Variants in ASIC4 observed in about 807,000 individuals in gnomAD.
ASIC4 encodes the protein acid-sensing ion channel 4.
A neutral mutation model predicts 53.4 loss-of-function variants in ASIC4; 28 were observed. That is an observed-to-expected ratio of 0.52 (90% CI 0.39 to 0.72). The LOEUF (loss-of-function observed/expected upper bound fraction) is 0.72. Ranked by LOEUF, ASIC4 falls within the 30% of genes least tolerant of loss-of-function variation. ASIC4 has a pLI of 0.00. For missense variants in ASIC4, 649 were observed against 729.7 expected (o/e 0.89, Z 1.27); for synonymous variants, 289 against 301.4 (o/e 0.96, Z 0.43).
Position 219,516,537 on chromosome 2 carries a change from AG to A in ASIC4, c.582+1232del, listed in dbSNP as rs1219338726. On this transcript the variant is annotated intron_variant, in intron 1 of 9. Transcript: ENST00000358078. The surrounding 1 kb of genome is among the most constrained non-coding windows in gnomAD (Gnocchi z 4.9). ...CTCGAGATGCTTGTCCCTAGTCCACAGTTTGCTCCCAGCATTGTGTGTGCAT... is the reference window on the plus strand; with the variant it reads ...CTCGAGATGCTTGTCCCTAGTCCACATTTGCTCCCAGCATTGTGTGTGCAT... 4.6e-5 allele frequency among the ~76,000 whole-genome samples: 7 copies of A among 151,768 alleles called. No homozygotes were observed. Among genetic ancestry groups the A allele is most frequent in the Non-Finnish European group, 7.4e-5 (5 of 67,956 alleles).
rs1202398208 is a variant in ASIC4 at position 219,537,279 on chromosome 2, C to A, written c.1359C>A (p.Ala453=). The part of the protein sequence containing the change: ...LGGQMGLFIG[A]SILTLLEILD... ...GACAGATGGGCCTGTTCATTGGGGC[C>A]AGCATCCTCACGTTGCTGGAGATCC... The change falls in exon 8 of 10, where the codon GCC becomes GCA. Residue 453 remains alanine, a synonymous_variant. Transcript: ENST00000358078. The surrounding 1 kb of genome is among the most constrained non-coding windows in gnomAD (Gnocchi z 4.9). 1.2e-6 allele frequency: 2 copies of A among 1,613,726 alleles called. No individual in the cohort carries two copies. The highest frequency in any genetic ancestry group is 2.2e-5 in the South Asian group (2 of 90,986).
Position 219,514,865 on chromosome 2 carries a change from C to T in ASIC4, c.141C>T (p.Ser47=), listed in dbSNP as rs772961958. The change falls in exon 1 of 10, where the codon AGC becomes AGT. Residue 47 remains serine (S), a synonymous_variant. Coordinates refer to ENST00000358078, the MANE Select transcript of ASIC4 (RefSeq NM_018674.6). ...CCCGAGACCTGGCCACCTTTGCCAG[C>T]ACCAGCACCCTGCATGGACTGGGCC... ...AAPRDLATFA[S]TSTLHGLGRA... 2 of 1,612,938 alleles carry T rather than the reference C, an allele frequency of 1.2e-6. No individual in the cohort carries two copies. The highest frequency in any genetic ancestry group is 2.2e-5 in the South Asian group (2 of 91,062).
upstream of ASIC4, among the ~76,000 whole-genome samples, chr2:219,509,814 G>T (rs952909045): frequency 2.6e-5 from 4 of 152,140 alleles, no homozygotes; most frequent in African/African-American, 9.7e-5. This position sits in a 1 kb window ranked among gnomAD's most constrained non-coding sequence, Gnocchi z 5.2. Flanking sequence ...CTCGGTGCCA[G>T]CGCTGATCGC....
Position 219,535,372 on chromosome 2 carries a change from G to A in ASIC4, c.1229+48G>A, listed in dbSNP as rs376923243. ...GGTGGCTGTGTGACTCTGTGTGTAC[G>A]TGTGTGTGGGGGGTGGCTGTGTGAC... On this transcript the variant is annotated intron_variant, in intron 6 of 9. Transcript: ENST00000358078. 5.9e-5 allele frequency: 90 copies of A among 1,518,656 alleles called. No homozygotes were observed. In the African/African-American group the frequency reaches 7.9e-4, roughly 13 times the overall value. The allele number at this position is 1,518,656 out of a possible 1,614,324, so 94.1% of individuals were successfully genotyped here.
Position 219,536,787 on chromosome 2 carries a change from G to T in ASIC4, c.1230-279G>T, listed in dbSNP as rs527837153. 6.6e-6 allele frequency among the ~76,000 whole-genome samples: 1 copy of T among 152,120 alleles called. No individual in the cohort carries two copies. The highest frequency in any genetic ancestry group is 1.9e-4 in the East Asian group (1 of 5,170). ...AGGGTCCGCAGAGGCGTAAGGAGGA[G>T]GCAAAGGCAACACCACTGGCTGCTT... On this transcript the variant is annotated intron_variant, in intron 6 of 9. Coordinates refer to ENST00000358078, the MANE Select transcript of ASIC4 (RefSeq NM_018674.6). The surrounding 1 kb of genome is among the most constrained non-coding windows in gnomAD (Gnocchi z 4.6).
upstream of ASIC4, chr2:219,514,349 G>A: frequency 6.5e-7 from 1 of 1,546,276 alleles, no homozygotes; most frequent in Non-Finnish European, 8.7e-7. Flanking sequence ...AGCACATGCT[G>A]AGCGGAGCGG....
intron 1 of ASIC4, among the ~76,000 whole-genome samples, chr2:219,530,895 T>G (rs1695031376): frequency 6.6e-6 from 1 of 152,156 alleles, no homozygotes; most frequent in Non-Finnish European, 1.5e-5. Flanking sequence ...GGTAAGTCAG[T>G]TAGTGGTTTC....
chr2:219,532,732 G>A, intron 4 of ASIC4, 151 bp from the exon 5 acceptor site: 1 of 865,402 alleles, frequency 1.2e-6, no homozygotes, highest in East Asian at 2.5e-5. Flanking sequence ...ATCCGTGGTT[G>A]CGTATTTGTG....
rs765717294 is a variant in ASIC4, at chr2:219,532,486, C to T, written c.1018+9C>T. ...GATGGTGCACATGCCAGGTGGGCAC[C>T]CCACCCCCAGCCAGCCCTCCATGCC... On this transcript the variant is annotated intron_variant, in intron 4 of 9. Coordinates refer to ENST00000358078, the MANE Select transcript of ASIC4 (RefSeq NM_018674.6). 9 of 1,603,156 alleles carry T rather than the reference C, an allele frequency of 5.6e-6. No individual in the cohort carries two copies. The highest frequency in any genetic ancestry group is 6.0e-6 in the Non-Finnish European group (7 of 1,172,922).
intron 1 of ASIC4, among the ~76,000 whole-genome samples, chr2:219,530,248 C>T (rs1695020790): frequency 6.6e-6 from 1 of 152,262 alleles, no homozygotes; most frequent in African/African-American, 2.4e-5. Context: ...TAGAACCCGC[C>T]TCTCCCTCAG....
rs373384533 is a variant in ASIC4, at chr2:219,532,189, A to C, written c.855+61A>C. ...GGGCTCGCCTTTGGGCTCAGAGGGG[A>C]TGTGGAGCAAACCTGCCCTCTAGAA... On this transcript the variant is annotated intron_variant, in intron 3 of 9. Transcript: ENST00000358078. The C allele has an allele frequency of 1.5e-4, 244 of 1,607,480 alleles. No homozygotes were observed. The African/African-American group carries it at 2.6e-3, about 17-fold the overall frequency.
At chr2:219,512,205 T>G (rs963318977), upstream of ASIC4, among the ~76,000 whole-genome samples, 3 of 152,140 alleles carry the variant, frequency 2.0e-5, no homozygotes, top group Non-Finnish European at 4.4e-5. Flanking sequence ...TATACCCAGT[T>G]ACCACCCGAT....
chr2:219,535,505 T>G lies in ASIC4; in HGVS notation c.1229+181T>G, dbSNP rs542849490. Among the ~76,000 whole-genome samples the G allele has an allele frequency of 1.5e-3, 229 of 151,620 alleles. 2 individuals are homozygous for G. The highest frequency in any genetic ancestry group is 2.8e-3 in the Non-Finnish European group (191 of 67,822). On this transcript the variant is annotated intron_variant, in intron 6 of 9. Transcript: ENST00000358078. ...GTGGGTGTGTACATGCATGTGTGTG[T>G]GTGTCTGTGTGGGGGGCATGTATGT...
chr2:219,533,864 C>A (rs910292494), intron 5 of ASIC4: 20 of 151,948 alleles, frequency 1.3e-4, no homozygotes. Context: ...GAGACCCTGT[C>A]TCTGCAAAAA....
At position 219,535,334 on chromosome 2, in the gene ASIC4, TG is replaced by T; in HGVS notation, c.1229+11del. On this transcript the variant is annotated intron_variant, in intron 6 of 9. Coordinates refer to ENST00000358078, the MANE Select transcript of ASIC4 (RefSeq NM_018674.6). ...ACGAGACCTACATACGGTATGTGTG[TG>T]TGTGTGTGGGGGGTGGCTGTGTGAC... The T allele has an allele frequency of 6.5e-7, 1 of 1,548,536 alleles. No homozygotes were observed.
chr2:219,535,262 C>T lies in ASIC4; in HGVS notation c.1167C>T (p.Ile389=). ...GGAAAGAGATCTCCATGGTCAGGAT[C>T]CCCAACAGGGGCTCAGCCCGGTACC... ...RYGKEISMVR[I]PNRGSARYLA... Residue 389 remains isoleucine (I), a synonymous_variant, in exon 6 of 10, where the codon ATC becomes ATT. Transcript: ENST00000358078. The T allele has an allele frequency of 6.2e-7, 1 of 1,613,972 alleles. No homozygotes were observed. The highest frequency in any genetic ancestry group is 8.5e-7 in the Non-Finnish European group (1 of 1,179,976).
chr2:219,525,478 T>C (rs1292449970), intron 1 of ASIC4, among the ~76,000 whole-genome samples: 1 of 152,192 alleles, frequency 6.6e-6, no homozygotes, highest in African/African-American at 2.4e-5. Flanking sequence ...CCCGTGAACC[T>C]GGGGTCCACT....
At position 219,514,963 on chromosome 2, in the gene ASIC4, C is replaced by T. The variant is rs1694759834; in HGVS notation, c.239C>T (p.Ala80Val). ...WALALLTSLA[A>V]FLYQAAGLAR... ...CTGGCCCTACTCACCTCGCTGGCTG[C>T]CTTCCTGTACCAGGCGGCTGGCCTG... is the stretch of plus-strand genomic sequence containing the variant. Residue 80 changes from alanine (A) to valine (V), a missense_variant, in exon 1 of 10, where the codon GCC becomes GTC. By Grantham distance (64) the Ala-to-Val change is moderately conservative. Coordinates refer to ENST00000358078, the MANE Select transcript of ASIC4 (RefSeq NM_018674.6). 1.2e-6 allele frequency: 2 copies of T among 1,613,134 alleles called. No homozygotes were observed. Among genetic ancestry groups the T allele is most frequent in the Admixed American group, 1.7e-5 (1 of 59,996 alleles).
intron 1 of ASIC4, among the ~76,000 whole-genome samples, chr2:219,523,632 C>T (rs1172201713): frequency 6.6e-6 from 1 of 152,130 alleles, no homozygotes; most frequent in Non-Finnish European, 1.5e-5. Context: ...AGCCAGGTGG[C>T]TTGTTTAGAG....
Sources: allele counts gnomAD v4.1 joint callset (sites outside exome capture counted in the v4.1 genomes callset), GRCh38; gene constraint gnomAD v4.1.1; non-coding constraint Gnocchi (gnomAD v3.1); transcripts MANE v1.5; gene names NCBI Gene and HGNC (gene_info 2026-07-23, HGNC 2026-07-21).